RFX3: variants seen among roughly 807,000 people sequenced by gnomAD.
RFX3 encodes the protein transcription factor RFX3.
In RFX3, 14 loss-of-function variants were observed where a neutral mutation model predicts 98.6. The ratio of observed to expected loss-of-function variants is 0.14; its 90% confidence interval spans 0.09 to 0.22. RFX3 has a LOEUF of 0.22. Among genes scored for constraint, RFX3 ranks in the 10% least tolerant of loss-of-function variants. The probability of loss-of-function intolerance (pLI) is 1.00; values close to 1 mark genes in which losing one functional copy is unlikely to be tolerated. For synonymous variants in RFX3, 383 were observed against 328.4 expected, an observed-to-expected ratio of 1.17 and a Z score of -1.80; for missense variants, 639 against 926.9, an observed-to-expected ratio of 0.69 and a Z score of 4.03.
chr9:3,428,778 T>C (rs1844352633), intron 1 of RFX3, among the ~76,000 whole-genome samples: 1 of 152,132 alleles, frequency 6.6e-6, no homozygotes, highest in Non-Finnish European at 1.5e-5. Context: ...AAAAGAAAGT[T>C]TTTTAAAAAT....
intron 14 of RFX3, among the ~76,000 whole-genome samples, chr9:3,248,862 T>A (rs1183573137): frequency 6.6e-6 from 1 of 152,198 alleles, no homozygotes; most frequent in African/African-American, 2.4e-5. Flanking sequence ...ACATTTAAAG[T>A]ATATAATACG....
intron 3 of RFX3, among the ~76,000 whole-genome samples, chr9:3,342,052 G>A (rs913686413): frequency 6.6e-6 from 1 of 152,140 alleles, no homozygotes; most frequent in Non-Finnish European, 1.5e-5. Flanking sequence ...CTTTTAAAGT[G>A]TATGGGAAAA....
chr9:3,378,555 C>CTTT (rs869126415), intron 2 of RFX3, among the ~76,000 whole-genome samples: 7 of 125,084 alleles, frequency 5.6e-5, no homozygotes, highest in Non-Finnish European at 1.0e-4. Flanking sequence ...TTTTTTCTTT[C>CTTT]TTTTTTTTTT....
At position 3,395,603 on chromosome 9, in the gene RFX3, T is replaced by TAGATTAAAATGAAATTAA; in HGVS notation, c.-8-25_-8-8dup. ...GATGTCTGCATGATGGTCTCTGAAA[T>TAGATTAAAATGAAATTAA]AGATTAAAATGAAATTAAAGTTTAA... On this transcript the variant is annotated splice_polypyrimidine_tract_variant and splice_region_variant and intron_variant, in intron 1 of 16. Transcript: ENST00000617270. 1 of 1,612,040 alleles carries TAGATTAAAATGAAATTAA rather than the reference T, an allele frequency of 6.2e-7. No individual in the cohort carries two copies. The highest frequency in any genetic ancestry group is 8.5e-7 in the Non-Finnish European group (1 of 1,178,394).
chr9:3,525,765 T>G lies in RFX3; in HGVS notation c.-27A>C. On this transcript the variant is annotated 5_prime_UTR_variant, in exon 1 of 17. Coordinates refer to ENST00000617270, the MANE Select transcript of RFX3 (RefSeq NM_001282116.2). ...TATTCACCTTGGCTGTGGATTATTGTGGTGTTGTTGGTGGGTGATGGAGAT... is the reference window on the plus strand; with the variant it reads ...TATTCACCTTGGCTGTGGATTATTGGGGTGTTGTTGGTGGGTGATGGAGAT... The G allele has an allele frequency of 2.8e-6, 1 of 352,032 alleles. No individual in the cohort carries two copies. The highest frequency in any genetic ancestry group is 4.0e-6 in the Non-Finnish European group (1 of 251,076). 21.8% of individuals were successfully genotyped at this position (352,032 alleles called of 1,614,324 possible).
intron 12 of RFX3, among the ~76,000 whole-genome samples, chr9:3,265,252 C>T (rs777507413): frequency 9.3e-4 from 142 of 152,166 alleles, no homozygotes; most frequent in Non-Finnish European, 1.7e-3. Flanking sequence ...AATAGCCACA[C>T]GTGGCTGGCC....
At chr9:3,291,343 G>A (rs1359018672) in intron 6 of RFX3, among the ~76,000 whole-genome samples, 1 of 152,132 alleles carries the variant, frequency 6.6e-6, no homozygotes, top group African/African-American at 2.4e-5. Context: ...CTGCACTCCA[G>A]CCTGGGCAAC....
At chr9:3,425,574 A>T (rs1302004908) in intron 1 of RFX3, among the ~76,000 whole-genome samples, 5 of 152,358 alleles carry the variant, frequency 3.3e-5, no homozygotes, top group Middle Eastern at 3.4e-3. Context: ...GAACACATAG[A>T]ACCCCCTGAA....
intron 8 of RFX3, among the ~76,000 whole-genome samples, chr9:3,276,371 AATGTAAGAC>A (rs781446846): frequency 5.3e-5 from 8 of 152,152 alleles, no homozygotes; most frequent in Non-Finnish European, 8.8e-5. Flanking sequence ...CTGGACAATT[AATGTAAGAC>A]ATTTTGGTGC....
intron 1 of RFX3, among the ~76,000 whole-genome samples, chr9:3,445,619 C>G (rs907500335): frequency 6.6e-6 from 1 of 152,064 alleles, no homozygotes; most frequent in East Asian, 1.9e-4. Context: ...GTATTCCCAC[C>G]CAATTTATTT....
chr9:3,394,163 T>C (rs1388092011), intron 2 of RFX3, among the ~76,000 whole-genome samples: 4 of 151,980 alleles, frequency 2.6e-5, no homozygotes, highest in African/African-American at 4.8e-5. Flanking sequence ...TAAAAATGTT[T>C]AAAAAATAAA....
intron 1 of RFX3, among the ~76,000 whole-genome samples, chr9:3,424,560 C>T (rs887608788): frequency 6.6e-6 from 1 of 151,490 alleles, no homozygotes; most frequent in African/African-American, 2.4e-5. Flanking sequence ...CGGGGCTTCA[C>T]CGTGTTAGCC....
At chr9:3,361,814 A>T (rs1836494367) in intron 2 of RFX3, among the ~76,000 whole-genome samples, 1 of 151,998 alleles carries the variant, frequency 6.6e-6, no homozygotes, top group Non-Finnish European at 1.5e-5. Context: ...GGACATGGTG[A>T]CACCCACCTG....
At chr9:3,332,914 A>C (rs1832759198) in intron 3 of RFX3, among the ~76,000 whole-genome samples, 1 of 151,734 alleles carries the variant, frequency 6.6e-6, no homozygotes, top group Non-Finnish European at 1.5e-5. Context: ...GAAGCACCTT[A>C]TCTCAAAATT....
chr9:3,504,906 A>ATAT (rs1554728011), intron 1 of RFX3, among the ~76,000 whole-genome samples: 684 of 24,418 alleles, frequency 0.028, 7 homozygotes, highest in Middle Eastern at 0.045. Flanking sequence ...TATATTATAT[A>ATAT]TATATATAAT....
At chr9:3,329,015 G>C (rs564180794) in intron 4 of RFX3, among the ~76,000 whole-genome samples, 1 of 152,072 alleles carries the variant, frequency 6.6e-6, no homozygotes, top group South Asian at 2.1e-4. Context: ...GCTTAGTAGA[G>C]GTGAAAAGCA....
chr9:3,358,434 G>A (rs1836024536), intron 2 of RFX3, among the ~76,000 whole-genome samples: 1 of 152,084 alleles, frequency 6.6e-6, no homozygotes, highest in African/African-American at 2.4e-5. Context: ...CTGGGAAAAT[G>A]TCAAGAATCT....
chr9:3,514,693 C>G (rs560822718), intron 1 of RFX3, among the ~76,000 whole-genome samples: 2 of 152,282 alleles, frequency 1.3e-5, no homozygotes, highest in East Asian at 3.9e-4. Flanking sequence ...AAGGGATTCT[C>G]CCATCTCAGC....
At chr9:3,358,493 T>C (rs898408671) in intron 2 of RFX3, among the ~76,000 whole-genome samples, 41 of 152,118 alleles carry the variant, frequency 2.7e-4, no homozygotes, top group Non-Finnish European at 1.9e-4. Context: ...AGGATAGCAA[T>C]ATATAAATAC....
Sources: gnomAD v4.1 joint callset for allele counts (sites outside exome capture counted in the v4.1 genomes callset) on GRCh38, gnomAD v4.1.1 for gene constraint, MANE v1.5 for transcripts, NCBI Gene and HGNC (gene_info 2026-07-23, HGNC 2026-07-21) for gene names.